XKR6: variants seen among roughly 807,000 people sequenced by gnomAD.
XKR6 encodes XK-related protein 6.
A neutral mutation model predicts 56.7 loss-of-function variants in XKR6; 22 were observed. The observed-to-expected ratio is 0.39, with a 90% CI of 0.28 to 0.55. The LOEUF (loss-of-function observed/expected upper bound fraction) is 0.55, where lower values mean the gene tolerates loss of function less well. Ranked by LOEUF, XKR6 falls within the 20% of genes least tolerant of loss-of-function variation. XKR6 has a pLI of 0.66. For missense variants in XKR6, 852 were observed against 889.0 expected (o/e 0.96, Z 0.53); for synonymous variants, 524 against 387.8 (o/e 1.35, Z -4.13).
chr8:11,165,547 C>T (rs1028277013), intron 1 of XKR6, among the ~76,000 whole-genome samples: 6 of 152,144 alleles, frequency 3.9e-5, no homozygotes, highest in East Asian at 1.9e-4. Flanking sequence ...TCTTGGGCAT[C>T]GGCATCCTTA....
Position 10,951,845 on chromosome 8 carries a change from G to A in XKR6, c.765-27015C>T, listed in dbSNP as rs1418098883. Among the ~76,000 whole-genome samples the A allele has an allele frequency of 3.9e-5, 6 of 152,286 alleles. No individual in the cohort carries two copies. The South Asian group carries it at 6.2e-4, about 16-fold the overall frequency. On this transcript the variant is annotated intron_variant, in intron 1 of 2. Coordinates refer to ENST00000416569, the MANE Select transcript of XKR6 (RefSeq NM_173683.4). Reference sequence around the variant, plus strand: ...GCTGGGAGTGGGGAGCCCGGACCAAGGAGGGGGCAGGGGTGGGAGCTGTTA... The same window carrying A: ...GCTGGGAGTGGGGAGCCCGGACCAAAGAGGGGGCAGGGGTGGGAGCTGTTA...
chr8:10,964,004 C>T (rs1260465116), intron 1 of XKR6, among the ~76,000 whole-genome samples: 3 of 152,180 alleles, frequency 2.0e-5, no homozygotes, highest in South Asian at 2.1e-4. Flanking sequence ...TAATCCCTAC[C>T]GCAGAGGGTG....
chr8:10,982,860 G>C (rs568067938), intron 1 of XKR6, among the ~76,000 whole-genome samples: 1 of 152,166 alleles, frequency 6.6e-6, no homozygotes, highest in Admixed American at 6.5e-5. Flanking sequence ...CATGGCTTGG[G>C]GTTTGAGGAT....
chr8:10,992,494 C>G (rs1798016733), intron 1 of XKR6, among the ~76,000 whole-genome samples: 1 of 152,196 alleles, frequency 6.6e-6, no homozygotes, highest in Non-Finnish European at 1.5e-5. Flanking sequence ...AACAAGGTCT[C>G]TATTCCTTCA....
At chr8:11,153,402 G>A (rs1041224345) in intron 1 of XKR6, among the ~76,000 whole-genome samples, 3 of 152,176 alleles carry the variant, frequency 2.0e-5, no homozygotes, top group African/African-American at 7.2e-5. Flanking sequence ...GATAACTTTA[G>A]CCCCAAAAAC....
chr8:11,027,499 A>T (rs1484479688), intron 1 of XKR6, among the ~76,000 whole-genome samples: 2 of 152,204 alleles, frequency 1.3e-5, no homozygotes, highest in East Asian at 3.9e-4. Flanking sequence ...TCGTCATTTA[A>T]TTCTCACCAC....
At chr8:10,924,968 G>T in intron 1 of XKR6, 138 bp from the exon 2 acceptor site, 2 of 846,228 alleles carry the variant, frequency 2.4e-6, no homozygotes, top group Non-Finnish European at 3.5e-6. Flanking sequence ...AGGCTTGGAC[G>T]GGGCTCTGGG....
chr8:10,924,875 AG>A (rs748071600), intron 1 of XKR6, 45 bp from the exon 2 acceptor site: 1 of 1,573,680 alleles, frequency 6.4e-7, no homozygotes. Flanking sequence ...GGGTGGGTGC[AG>A]GGGCTCCAGA....
At chr8:11,172,550 G>C (rs1010872639) in intron 1 of XKR6, among the ~76,000 whole-genome samples, 3 of 152,104 alleles carry the variant, frequency 2.0e-5, no homozygotes, top group South Asian at 2.1e-4. Flanking sequence ...GAAGTCACTG[G>C]ATTATCATAA....
At chr8:11,071,590 A>T (rs1217552445) in intron 1 of XKR6, among the ~76,000 whole-genome samples, 4 of 140,650 alleles carry the variant, frequency 2.8e-5, no homozygotes, top group African/African-American at 1.1e-4. Context: ...CGAGTCCATG[A>T]GCCCCGAGTC....
At chr8:11,102,854 AC>A (rs1798536012) in intron 1 of XKR6, among the ~76,000 whole-genome samples, 1 of 152,154 alleles carries the variant, frequency 6.6e-6, no homozygotes, top group African/African-American at 2.4e-5. Flanking sequence ...CCATCCTTGG[AC>A]ACTTCCCTTC....
chr8:11,111,462 G>A (rs1798888685), intron 1 of XKR6, among the ~76,000 whole-genome samples: 1 of 152,276 alleles, frequency 6.6e-6, no homozygotes, highest in African/African-American at 2.4e-5. Flanking sequence ...ACCGGTTCCA[G>A]ACTGAAATTT....
At chr8:10,911,737 T>G (rs1011318475) in intron 2 of XKR6, among the ~76,000 whole-genome samples, 1 of 146,024 alleles carries the variant, frequency 6.8e-6, no homozygotes, top group Non-Finnish European at 1.5e-5. Flanking sequence ...TGTGTGTATA[T>G]AGAGAGGGCA....
intron 1 of XKR6, among the ~76,000 whole-genome samples, chr8:11,172,568 G>A (rs969266415): frequency 6.6e-6 from 1 of 152,132 alleles, no homozygotes; most frequent in Non-Finnish European, 1.5e-5. Flanking sequence ...TAATGGCATT[G>A]ACCTCCCTGT....
At chr8:11,198,337 C>T (rs1348993128) in intron 1 of XKR6, among the ~76,000 whole-genome samples, 2 of 152,018 alleles carry the variant, frequency 1.3e-5, no homozygotes, top group Non-Finnish European at 2.9e-5. Context: ...TCAGTAAATA[C>T]TGCTTTTGAA....
intron 1 of XKR6, among the ~76,000 whole-genome samples, chr8:11,161,421 A>G (rs1045894069): frequency 6.6e-6 from 1 of 152,134 alleles, no homozygotes; most frequent in Non-Finnish European, 1.5e-5. Flanking sequence ...TTTGCTCATG[A>G]TGTCCCTAAA....
intron 1 of XKR6, among the ~76,000 whole-genome samples, chr8:10,988,002 G>C (rs573199191): frequency 6.6e-6 from 1 of 152,272 alleles, no homozygotes; most frequent in Non-Finnish European, 1.5e-5. Context: ...GACAGGCCCA[G>C]GGCTGTCCCC....
At chr8:10,947,767 G>T (rs566126856) in intron 1 of XKR6, among the ~76,000 whole-genome samples, 1 of 152,180 alleles carries the variant, frequency 6.6e-6, no homozygotes, top group East Asian at 1.9e-4. Context: ...ATAGCCCACC[G>T]CCAGGGGAAC....
intron 1 of XKR6, among the ~76,000 whole-genome samples, chr8:11,181,174 T>C (rs1199151942): frequency 1.3e-5 from 2 of 152,168 alleles, no homozygotes. Context: ...GGTGAGGGGA[T>C]TTTAAAGGGT....
Sources: gnomAD v4.1 joint callset for allele counts (sites outside exome capture counted in the v4.1 genomes callset) on GRCh38, gnomAD v4.1.1 for gene constraint, MANE v1.5 for transcripts, NCBI Gene and HGNC (gene_info 2026-07-23, HGNC 2026-07-21) for gene names.